The following CCDC197 variants were observed in gnomAD, a reference collection of about 807,000 sequenced individuals.
CCDC197 encodes coiled-coil domain containing 197.
CCDC197 carries 24 observed loss-of-function variants against 13.4 expected under a neutral mutation model. The ratio of observed to expected loss-of-function variants is 1.80; its 90% confidence interval spans 1.30 to 2.53. The LOEUF (loss-of-function observed/expected upper bound fraction) is 2.53. Ranked by LOEUF, CCDC197 falls within the 30% of genes most tolerant of loss-of-function variation. The pLI is 0.00. For missense variants in CCDC197, 255 were observed against 148.8 expected (o/e 1.71, Z -3.71); for synonymous variants, 99 against 55.5 (o/e 1.78, Z -3.48).
intron 1 of CCDC197, among the ~76,000 whole-genome samples, chr14:93,992,076 T>C (rs1890222865): frequency 6.6e-6 from 1 of 152,350 alleles, no homozygotes; most frequent in South Asian, 2.1e-4. Context: ...GGCGGGCGGA[T>C]TGACACCACA....
upstream of CCDC197, among the ~76,000 whole-genome samples, chr14:93,993,219 A>G (rs929480799): frequency 6.6e-6 from 1 of 152,140 alleles, no homozygotes; most frequent in African/African-American, 2.4e-5. Flanking sequence ...ACGCCCATCG[A>G]ATACCTACGA....
intron 1 of CCDC197, among the ~76,000 whole-genome samples, chr14:93,991,855 G>A (rs1274221913): frequency 6.6e-6 from 1 of 152,334 alleles, no homozygotes; most frequent in African/African-American, 2.4e-5. Flanking sequence ...CTGCGGCCAG[G>A]AAGGAGAACA....
intron 1 of CCDC197, among the ~76,000 whole-genome samples, chr14:93,991,864 C>G (rs1322094888): frequency 6.6e-6 from 1 of 152,160 alleles, no homozygotes; most frequent in Non-Finnish European, 1.5e-5. Flanking sequence ...GGAAGGAGAA[C>G]AGAAAAGCCA....
chr14:93,994,200 G>A (rs140170984), upstream of CCDC197, among the ~76,000 whole-genome samples: 6 of 152,184 alleles, frequency 3.9e-5, no homozygotes, highest in Non-Finnish European at 5.9e-5. Flanking sequence ...ATCTGTACTC[G>A]CAAGAGTCCA....
upstream of CCDC197, among the ~76,000 whole-genome samples, chr14:93,996,825 G>T (rs1395586855): frequency 6.6e-6 from 1 of 152,238 alleles, no homozygotes; most frequent in Non-Finnish European, 1.5e-5. Flanking sequence ...AGGTCCAGTG[G>T]CTCCAACAGG....
chr14:93,998,628 A>T (rs1376166460), intron 2 of CCDC197, among the ~76,000 whole-genome samples: 7 of 152,202 alleles, frequency 4.6e-5, no homozygotes, highest in African/African-American at 1.7e-4. Flanking sequence ...TTGGGGAGAT[A>T]AGACATTTCA....
chr14:94,011,528 A>T (rs1304024864), downstream of CCDC197, among the ~76,000 whole-genome samples: 1 of 152,246 alleles, frequency 6.6e-6, no homozygotes, highest in Non-Finnish European at 1.5e-5. Context: ...GCTGCTGGTA[A>T]GTACCAGAAT....
chr14:94,001,601 C>T (rs1890512301), intron 4 of CCDC197: 2 of 326,178 alleles, frequency 6.1e-6, no homozygotes, highest in Non-Finnish European at 1.1e-5. Flanking sequence ...AGCTCAGCCA[C>T]TGACTAGCTG....
upstream of CCDC197, among the ~76,000 whole-genome samples, chr14:93,995,548 G>T (rs1317033674): frequency 2.6e-5 from 4 of 152,160 alleles, no homozygotes; most frequent in African/African-American, 4.8e-5. Flanking sequence ...CAGCGCCAGG[G>T]TTTGCACTGG....
chr14:93,994,748 C>T (rs558914253), upstream of CCDC197, among the ~76,000 whole-genome samples: 12 of 152,272 alleles, frequency 7.9e-5, no homozygotes, highest in South Asian at 6.2e-4. Flanking sequence ...AATTTTTGAG[C>T]GTGGGAAGGG....
chr14:94,003,160 C>T lies in CCDC197; in HGVS notation c.367-63C>T. On this transcript the variant is annotated intron_variant, in intron 4 of 6. Coordinates refer to ENST00000636493, the MANE Select transcript of CCDC197 (RefSeq NM_001351596.2). This position sits in a 1 kb window ranked among gnomAD's most constrained non-coding sequence, Gnocchi z 5.0. The stretch of plus-strand genomic sequence containing the variant: ...CATTGCACAGACCACCCTGGGGACT[C>T]AGACCAGGGCATATGCCCTGGAGGG... The T allele has an allele frequency of 1.4e-6, 1 of 735,016 alleles. No individual in the cohort carries two copies. Among genetic ancestry groups the T allele is most frequent in the East Asian group, 2.5e-5 (1 of 40,600 alleles). 45.5% of individuals were successfully genotyped at this position (735,016 alleles called of 1,614,324 possible). A position where few individuals can be genotyped will look rare whatever the true frequency, so the allele number is the denominator to read the frequency against.
Position 94,000,850 on chromosome 14 carries a change from T to A in CCDC197, c.188-295T>A, listed in dbSNP as rs368867429. ...TCTCAGGCTGCTCCAAGCAGCAACA[T>A]CTCCTTGAGGGCAGTCTCCCGCCTC... On this transcript the variant is annotated intron_variant, in intron 3 of 6. Transcript: ENST00000636493. 7 of 289,928 alleles carry A rather than the reference T, an allele frequency of 2.4e-5. No individual in the cohort carries two copies. The East Asian group carries it at 2.9e-4, about 12-fold the overall frequency. The allele number at this position is 289,928 out of a possible 1,614,324, so 18.0% of individuals were successfully genotyped here.
upstream of CCDC197, among the ~76,000 whole-genome samples, chr14:93,996,953 G>C (rs563191260): frequency 7.2e-5 from 11 of 152,332 alleles, no homozygotes; most frequent in East Asian, 1.5e-3. Flanking sequence ...TGAGCCTTGG[G>C]GGGGCTGATG....
downstream of CCDC197, among the ~76,000 whole-genome samples, chr14:94,010,657 G>A (rs118191966): frequency 0.017 from 2,589 of 152,294 alleles, 46 homozygotes; most frequent in South Asian, 0.057. Flanking sequence ...CAGAAACGCC[G>A]GAGTAGGGAC....
At chr14:93,993,149 G>A (rs1032679043), upstream of CCDC197, among the ~76,000 whole-genome samples, 1 of 152,130 alleles carries the variant, frequency 6.6e-6, no homozygotes, top group African/African-American at 2.4e-5. Context: ...TTGCATTAGG[G>A]GATCAGCCCA....
At chr14:93,997,642 G>A in intron 1 of CCDC197, 71 bp downstream of exon 1, 1 of 158,210 alleles carries the variant, frequency 6.3e-6, no homozygotes, top group South Asian at 1.9e-4. Flanking sequence ...GGGGTGGGTG[G>A]GCAGAGATGA....
chr14:93,993,543 A>C (rs1890241144), upstream of CCDC197, among the ~76,000 whole-genome samples: 1 of 152,194 alleles, frequency 6.6e-6, no homozygotes, highest in African/African-American at 2.4e-5. Flanking sequence ...CTCAACCCGC[A>C]GCCCCACTCT....
chr14:93,992,254 A>G (rs1890225884), intron 1 of CCDC197, among the ~76,000 whole-genome samples: 1 of 152,192 alleles, frequency 6.6e-6, no homozygotes, highest in African/African-American at 2.4e-5. Context: ...AAGGAACAGC[A>G]GGGAAGGCCA....
upstream of CCDC197, among the ~76,000 whole-genome samples, chr14:93,994,781 C>T (rs1196468910): frequency 6.6e-6 from 1 of 152,162 alleles, no homozygotes; most frequent in South Asian, 2.1e-4. Context: ...CGAGCCTTCT[C>T]CAGCATCTGC....
Sources: allele counts gnomAD v4.1 joint callset (sites outside exome capture counted in the v4.1 genomes callset), GRCh38; gene constraint gnomAD v4.1.1; non-coding constraint Gnocchi (gnomAD v3.1); transcripts MANE v1.5; gene names NCBI Gene and HGNC (gene_info 2026-07-23, HGNC 2026-07-21).